ADD2: variants seen among roughly 807,000 people sequenced by gnomAD.
ADD2 encodes beta-adducin.
In ADD2, 23 loss-of-function variants were observed where a neutral mutation model predicts 83.0. That is an observed-to-expected ratio of 0.28 (90% CI 0.20 to 0.39). ADD2 has a LOEUF of 0.39. Ranked by LOEUF, ADD2 falls within the 10% of genes least tolerant of loss-of-function variation. The pLI is 1.00. For missense variants in ADD2, 758 were observed against 944.9 expected, an observed-to-expected ratio of 0.80 and a Z score of 2.59; for synonymous variants, 375 against 375.4, an observed-to-expected ratio of 1.00 and a Z score of 0.01.
intron 1 of ADD2, among the ~76,000 whole-genome samples, chr2:70,749,193 C>G (rs1326936061): frequency 6.6e-6 from 1 of 152,066 alleles, no homozygotes; most frequent in Non-Finnish European, 1.5e-5. Flanking sequence ...GCTTATAAAA[C>G]CATTAGATCT....
At position 70,659,311 on chromosome 2, in the gene ADD2, A is replaced by C. The variant is rs1675463853; in HGVS notation, c.*4114T>G. ...TGCTGTTGGGCAAATGGTTCTTTCA[A>C]ATCCATGGCAATCAAAGAAGTGGAT... On this transcript the variant is annotated 3_prime_UTR_variant, in exon 16 of 16. Transcript: ENST00000264436. The C allele has an allele frequency of 6.6e-6, 1 of 152,172 alleles. No individual in the cohort carries two copies. Among genetic ancestry groups the C allele is most frequent in the African/African-American group, 2.4e-5 (1 of 41,430 alleles). 9.4% of individuals were successfully genotyped at this position (152,172 alleles called of 1,614,324 possible). A position where few individuals can be genotyped will look rare whatever the true frequency, so the allele number is the denominator to read the frequency against.
intron 6 of ADD2, among the ~76,000 whole-genome samples, chr2:70,695,413 G>T (rs930551677): frequency 2.6e-5 from 4 of 151,484 alleles, no homozygotes; most frequent in Non-Finnish European, 5.9e-5. Flanking sequence ...AACCAGAAAG[G>T]CCCCCCATTC....
chr2:70,742,943 C>T (rs1183370668), intron 1 of ADD2, among the ~76,000 whole-genome samples: 2 of 152,206 alleles, frequency 1.3e-5, no homozygotes, highest in Non-Finnish European at 1.5e-5. Context: ...AATATACACT[C>T]TCTTTGAAAA....
intron 15 of ADD2, among the ~76,000 whole-genome samples, chr2:70,668,851 A>G (rs1553366604): frequency 6.6e-6 from 1 of 152,208 alleles, no homozygotes; most frequent in African/African-American, 2.4e-5. Context: ...GCAGCAGGGA[A>G]GACACCAGTG....
chr2:70,665,807 CTTGTTTTT>C (rs1675767898), intron 15 of ADD2, among the ~76,000 whole-genome samples: 1 of 136,904 alleles, frequency 7.3e-6, no homozygotes, highest in Middle Eastern at 3.6e-3. Context: ...AACGATCACA[CTTGTTTTT>C]TTGTTTTTTT....
chr2:70,661,514 GAGAGACAC>G lies in ADD2; in HGVS notation c.*1903_*1910del, dbSNP rs1675536783. 6.6e-6 allele frequency: 1 copy of G among 152,110 alleles called. No homozygotes were observed. The highest frequency in any genetic ancestry group is 2.4e-5 in the African/African-American group (1 of 41,402). The allele number at this position is 152,110 out of a possible 1,614,324, so 9.4% of individuals were successfully genotyped here. ...GGGTAGCAGTTAGGAATCTGCACTA[GAGAGACAC>G]AGTGTCAGGTTTACCTTGGTCCTAG... On this transcript the variant is annotated 3_prime_UTR_variant, in exon 16 of 16. Coordinates refer to ENST00000264436, the MANE Select transcript of ADD2 (RefSeq NM_001617.4).
rs75133001 is a variant in ADD2, at chr2:70,718,132, G to A, written c.-153-4948C>T. On this transcript the variant is annotated intron_variant, in intron 1 of 15. Coordinates refer to ENST00000264436, the MANE Select transcript of ADD2 (RefSeq NM_001617.4). Reference sequence around the variant, plus strand: ...GAATTTTAAAAGTCCTCCAGCAAACGACCTCAAACCTAATAGTTGGTAGGC... The same window carrying A: ...GAATTTTAAAAGTCCTCCAGCAAACAACCTCAAACCTAATAGTTGGTAGGC... Among the ~76,000 whole-genome samples, 876 of 152,276 alleles carry A rather than the reference G, an allele frequency of 5.8e-3. 8 individuals carry two copies. Among genetic ancestry groups the A allele is most frequent in the African/African-American group, 0.02 (820 of 41,548 alleles).
intron 11 of ADD2, 142 bp downstream of exon 11, chr2:70,678,562 C>G (rs570066053): frequency 8.1e-7 from 1 of 1,242,096 alleles, no homozygotes; most frequent in South Asian, 2.0e-5. Flanking sequence ...GCAGCTGCTC[C>G]CAGAGGCCTA....
chr2:70,709,874 A>G (rs773544110), intron 2 of ADD2, among the ~76,000 whole-genome samples: 34 of 152,156 alleles, frequency 2.2e-4, no homozygotes, highest in Non-Finnish European at 4.7e-4. Flanking sequence ...TCATGCTCAC[A>G]CCCAACCTCA....
At chr2:70,732,832 G>A (rs1673354010) in intron 1 of ADD2, among the ~76,000 whole-genome samples, 1 of 152,206 alleles carries the variant, frequency 6.6e-6, no homozygotes, top group African/African-American at 2.4e-5. Context: ...GCTCACCACT[G>A]GTTATTTGGG....
intron 1 of ADD2, among the ~76,000 whole-genome samples, chr2:70,753,472 C>T (rs1247115429): frequency 5.9e-5 from 9 of 151,868 alleles, no homozygotes; most frequent in African/African-American, 2.2e-4. Flanking sequence ...AAGCCAATTG[C>T]CATGGTGGTG....
intron 1 of ADD2, among the ~76,000 whole-genome samples, chr2:70,728,949 T>A (rs782688776): frequency 6.6e-6 from 1 of 152,256 alleles, no homozygotes; most frequent in Non-Finnish European, 1.5e-5. Context: ...CCTGTCGGCA[T>A]GGTTTTCCAC....
intron 10 of ADD2, among the ~76,000 whole-genome samples, chr2:70,680,120 A>G (rs1214710432): frequency 2.0e-5 from 3 of 152,156 alleles, no homozygotes; most frequent in African/African-American, 4.8e-5. Context: ...GTGCTTGATA[A>G]GTCTTCCCTA....
chr2:70,691,023 G>T, intron 7 of ADD2, 94 bp from the exon 8 acceptor site: 2 of 1,428,374 alleles, frequency 1.4e-6, no homozygotes, highest in Non-Finnish European at 1.9e-6. Flanking sequence ...GCCAGTGAGG[G>T]GTGAGGGGTG....
intron 1 of ADD2, among the ~76,000 whole-genome samples, chr2:70,753,548 A>C (rs1674620226): frequency 6.6e-6 from 1 of 151,836 alleles, no homozygotes; most frequent in African/African-American, 2.4e-5. Context: ...TGATAGAAGC[A>C]GGGGCCACTC....
At chr2:70,710,179 G>A (rs1171080051) in intron 2 of ADD2, among the ~76,000 whole-genome samples, 1 of 152,216 alleles carries the variant, frequency 6.6e-6, no homozygotes, top group African/African-American at 2.4e-5. Flanking sequence ...GCATAGGCAT[G>A]TGAGCCCCCT....
intron 4 of ADD2, among the ~76,000 whole-genome samples, chr2:70,702,855 G>A (rs1392296560): frequency 1.3e-5 from 2 of 152,112 alleles, no homozygotes; most frequent in African/African-American, 2.4e-5. Flanking sequence ...GGGCGGGCAC[G>A]GTGGCTCACG....
intron 1 of ADD2, among the ~76,000 whole-genome samples, chr2:70,742,232 A>C (rs1371529407): frequency 6.6e-6 from 1 of 152,230 alleles, no homozygotes; most frequent in Non-Finnish European, 1.5e-5. Flanking sequence ...GTTTTTGGTT[A>C]AGAAAGTGCT....
intron 1 of ADD2, 59 bp downstream of exon 1, chr2:70,767,827 C>G (rs1675487570): frequency 6.5e-7 from 1 of 1,531,140 alleles, no homozygotes; most frequent in Non-Finnish European, 8.7e-7. Context: ...GCCAGGGTCT[C>G]CGCGCCAGGA....
Sources: gnomAD v4.1 joint callset for allele counts (sites outside exome capture counted in the v4.1 genomes callset) on GRCh38, gnomAD v4.1.1 for gene constraint, MANE v1.5 for transcripts, NCBI Gene and HGNC (gene_info 2026-07-23, HGNC 2026-07-21) for gene names.